NUDCD3: variants seen among roughly 807,000 people sequenced by gnomAD.
The protein encoded by NUDCD3 is NudC domain containing 3, also known as nudC domain-containing protein 3.
Under a neutral mutation model 39.7 loss-of-function variants are expected in NUDCD3, and 13 were observed. The observed-to-expected ratio is 0.33, with a 90% CI of 0.21 to 0.52. The LOEUF is 0.52. Among genes scored for constraint, NUDCD3 ranks in the 20% least tolerant of loss-of-function variants. The pLI, the probability that NUDCD3 is intolerant of heterozygous loss-of-function variation, is 0.96. For synonymous variants in NUDCD3, 175 were observed against 172.4 expected, an observed-to-expected ratio of 1.02 and a Z score of -0.12; for missense variants, 453 against 458.1, an observed-to-expected ratio of 0.99 and a Z score of 0.10.
chr7:44,414,131 T>C (rs573876973), intron 3 of NUDCD3, among the ~76,000 whole-genome samples: 1 of 152,222 alleles, frequency 6.6e-6, no homozygotes, highest in African/African-American at 2.4e-5. Flanking sequence ...AAAATGCATA[T>C]ACGCAAAATG....
intron 5 of NUDCD3, 92 bp from the exon 6 acceptor site, chr7:44,386,213 T>C (rs1330328212): frequency 5.0e-6 from 7 of 1,401,336 alleles, no homozygotes; most frequent in Non-Finnish European, 6.9e-6. Context: ...GAGAGCCTTC[T>C]TGCTTCCTCA....
chr7:44,391,653 G>T (rs1471365988), intron 5 of NUDCD3, among the ~76,000 whole-genome samples: 1 of 152,130 alleles, frequency 6.6e-6, no homozygotes, highest in Non-Finnish European at 1.5e-5. Context: ...TGGGTATATG[G>T]GACACGGGAA....
chr7:44,471,039 C>T (rs1172917252), intron 2 of NUDCD3, among the ~76,000 whole-genome samples: 1 of 152,206 alleles, frequency 6.6e-6, no homozygotes, highest in African/African-American at 2.4e-5. Flanking sequence ...GTACCAACTA[C>T]GTGCCAGGCA....
At chr7:44,465,955 T>G (rs1800109587) in intron 2 of NUDCD3, among the ~76,000 whole-genome samples, 2 of 152,160 alleles carry the variant, frequency 1.3e-5, no homozygotes, top group Admixed American at 6.5e-5. Flanking sequence ...TCACAGATGC[T>G]TGGCCCCAAA....
intron 2 of NUDCD3, among the ~76,000 whole-genome samples, chr7:44,443,204 A>G (rs1430437875): frequency 6.6e-6 from 1 of 152,130 alleles, no homozygotes; most frequent in Non-Finnish European, 1.5e-5. Context: ...CTCTGCATAC[A>G]GGTGGGATGA....
intron 2 of NUDCD3, among the ~76,000 whole-genome samples, chr7:44,461,901 G>GT (rs1046105276): frequency 5.2e-4 from 79 of 152,208 alleles, no homozygotes; most frequent in African/African-American, 1.8e-3. Context: ...GAGGTGGACC[G>GT]TGTAAAAGCT....
chr7:44,467,989 T>A, intron 2 of NUDCD3: 1 of 1,612,434 alleles, frequency 6.2e-7, no homozygotes. Context: ...ATGTCAAAAT[T>A]AAGCGTAACT....
chr7:44,456,675 G>A (rs1333156519), intron 2 of NUDCD3, among the ~76,000 whole-genome samples: 2 of 151,884 alleles, frequency 1.3e-5, no homozygotes, highest in Non-Finnish European at 2.9e-5. Context: ...AGGATTGCTT[G>A]AGCCCAGGAG....
chr7:44,467,130 T>C (rs1800133748), intron 2 of NUDCD3, among the ~76,000 whole-genome samples: 1 of 152,140 alleles, frequency 6.6e-6, no homozygotes, highest in Non-Finnish European at 1.5e-5. Context: ...TGTGCTGCTA[T>C]TACAGGGCCT....
At chr7:44,401,156 T>G (rs1369487529) in intron 4 of NUDCD3, among the ~76,000 whole-genome samples, 2 of 152,170 alleles carry the variant, frequency 1.3e-5, no homozygotes, top group African/African-American at 4.8e-5. Context: ...AGCCAGCCCC[T>G]CTGATTCACC....
chr7:44,402,163 C>A (rs1011970939), intron 4 of NUDCD3, among the ~76,000 whole-genome samples: 2 of 152,206 alleles, frequency 1.3e-5, no homozygotes, highest in South Asian at 2.1e-4. Flanking sequence ...CTAGCTCTAC[C>A]CGCTTCGCAA....
At chr7:44,417,291 C>T (rs11771804) in intron 3 of NUDCD3, among the ~76,000 whole-genome samples, 33,813 of 152,170 alleles carry the variant, frequency 0.22, 4,179 homozygotes, top group African/African-American at 0.3. Context: ...GACAAGACAT[C>T]AGGGCAGGAC....
intron 1 of NUDCD3, among the ~76,000 whole-genome samples, chr7:44,487,623 A>G (rs1585113393): frequency 6.6e-6 from 1 of 152,182 alleles, no homozygotes; most frequent in East Asian, 1.9e-4. Context: ...AATCACCTTT[A>G]CAAACCTCCT....
At chr7:44,485,761 A>G (rs1341709614) in intron 1 of NUDCD3, 1 of 155,580 alleles carries the variant, frequency 6.4e-6, no homozygotes, top group Non-Finnish European at 1.4e-5. Context: ...TCAATTCAAC[A>G]AACATCTACT....
chr7:44,466,865 G>A (rs1800128941), intron 2 of NUDCD3, among the ~76,000 whole-genome samples: 3 of 152,180 alleles, frequency 2.0e-5, no homozygotes, highest in African/African-American at 4.8e-5. Flanking sequence ...TGAATCACTA[G>A]GTCACAAAGC....
At chr7:44,443,734 A>C (rs1036194103) in intron 2 of NUDCD3, among the ~76,000 whole-genome samples, 1 of 152,214 alleles carries the variant, frequency 6.6e-6, no homozygotes, top group African/African-American at 2.4e-5. Flanking sequence ...GACTTCTAAG[A>C]GCTGGATGCT....
At chr7:44,407,474 A>G (rs1025953954) in intron 3 of NUDCD3, among the ~76,000 whole-genome samples, 1 of 150,658 alleles carries the variant, frequency 6.6e-6, no homozygotes, top group Non-Finnish European at 1.5e-5. Context: ...CTGAGGCAGG[A>G]GAATCGCTTG....
chr7:44,483,880 T>C (rs1800547091), intron 2 of NUDCD3, among the ~76,000 whole-genome samples: 1 of 152,174 alleles, frequency 6.6e-6, no homozygotes, highest in Non-Finnish European at 1.5e-5. Flanking sequence ...TGGTGGTGCA[T>C]GCCTATGGTC....
At chr7:44,468,289 C>A (rs544662608) in intron 2 of NUDCD3, 2 of 1,563,594 alleles carry the variant, frequency 1.3e-6, no homozygotes, top group South Asian at 1.1e-5. Flanking sequence ...GGCTGCGCAG[C>A]GAAGAAAATG....
Sources: gnomAD v4.1 joint callset for allele counts (sites outside exome capture counted in the v4.1 genomes callset) on GRCh38, gnomAD v4.1.1 for gene constraint, MANE v1.5 for transcripts, NCBI Gene and HGNC (gene_info 2026-07-23, HGNC 2026-07-21) for gene names.